The following ANKHD1 variants were observed in gnomAD, a reference collection of about 807,000 sequenced individuals.
ANKHD1 encodes ankyrin repeat and KH domain containing 1.
In ANKHD1, 31 loss-of-function variants were observed where a neutral mutation model predicts 230.5. That is an observed-to-expected ratio of 0.13 (90% CI 0.10 to 0.18). ANKHD1 has a LOEUF of 0.18. Ranked by LOEUF, ANKHD1 falls within the 10% of genes least tolerant of loss-of-function variation. The probability of loss-of-function intolerance (pLI) is 1.00; values close to 1 mark genes in which losing one functional copy is unlikely to be tolerated. For missense variants in ANKHD1, 2,256 were observed against 3,071.3 expected (o/e 0.73, Z 6.27); for synonymous variants, 1,074 against 1,117.6 (o/e 0.96, Z 0.78).
chr5:140,430,877 C>G (rs1018045912), intron 1 of ANKHD1, among the ~76,000 whole-genome samples: 13 of 151,966 alleles, frequency 8.6e-5, no homozygotes, highest in Non-Finnish European at 1.3e-4. Flanking sequence ...GTTGCCCAGG[C>G]TGGTCTTGAA....
intron 24 of ANKHD1, among the ~76,000 whole-genome samples, chr5:140,516,286 T>C (rs1296586469): frequency 6.6e-6 from 1 of 152,096 alleles, no homozygotes; most frequent in Non-Finnish European, 1.5e-5. Flanking sequence ...CCAAGAAATA[T>C]GGGACTATGT....
chr5:140,489,308 G>A (rs1002862100), intron 14 of ANKHD1, among the ~76,000 whole-genome samples: 1 of 151,956 alleles, frequency 6.6e-6, no homozygotes, highest in African/African-American at 2.4e-5. Context: ...CCCAGCATAG[G>A]AGAACTTGTC....
At chr5:140,448,842 A>G (rs936211981) in intron 6 of ANKHD1, among the ~76,000 whole-genome samples, 12 of 152,178 alleles carry the variant, frequency 7.9e-5, no homozygotes, top group African/African-American at 2.9e-4. Flanking sequence ...GTTTATGGTT[A>G]TTTTAAAGCT....
At chr5:140,505,300 T>G in intron 17 of ANKHD1, 67 bp downstream of exon 17, 1 of 1,502,060 alleles carries the variant, frequency 6.7e-7, no homozygotes, top group Non-Finnish European at 9.1e-7. Context: ...TTTTTATTAT[T>G]GATAAATAGT....
At chr5:140,468,627 T>C (rs1776278557) in intron 10 of ANKHD1, among the ~76,000 whole-genome samples, 1 of 152,174 alleles carries the variant, frequency 6.6e-6, no homozygotes, top group South Asian at 2.1e-4. Context: ...TTTAAAAAAT[T>C]TAAACAATAT....
At chr5:140,450,874 TG>T (rs1774679366) in intron 7 of ANKHD1, among the ~76,000 whole-genome samples, 1 of 152,106 alleles carries the variant, frequency 6.6e-6, no homozygotes, top group Non-Finnish European at 1.5e-5. Flanking sequence ...AGAATTTGGC[TG>T]GGCGTGGTGG....
Position 140,497,051 on chromosome 5 carries a change from C to A in ANKHD1, c.2777C>A (p.Pro926Gln), listed in dbSNP as rs1309602649. The A allele has an allele frequency of 1.9e-6, 3 of 1,614,004 alleles. No homozygotes were observed. The highest frequency in any genetic ancestry group is 2.7e-5 in the African/African-American group (2 of 74,924). Residue 926 changes from proline to glutamine, a missense_variant, in exon 15 of 34, where the codon CCA (proline) becomes CAA (glutamine). Pro to Gln is a moderately conservative substitution (Grantham distance 76, BLOSUM62 -1). This residue lies in a region of ANKHD1 where 358 missense variants were observed against 397.7 expected (regional missense o/e 0.90). Coordinates refer to ENST00000360839, the MANE Select transcript of ANKHD1 (RefSeq NM_017747.3). ...TCGGCAGAACAGATTGATTTTGTCC[C>A]AGTCCAGCCTTTATCATCTCCACAG... is the stretch of plus-strand genomic sequence containing the variant. ...PPSAEQIDFV[P>Q]VQPLSSPQCN...
At chr5:140,465,883 A>G (rs1451311147) in intron 10 of ANKHD1, among the ~76,000 whole-genome samples, 2 of 152,162 alleles carry the variant, frequency 1.3e-5, no homozygotes, top group Non-Finnish European at 2.9e-5. Context: ...ACTTCTTTCT[A>G]TATCTTTTTC....
chr5:140,404,279 C>T (rs981263351), intron 1 of ANKHD1, among the ~76,000 whole-genome samples: 25 of 152,070 alleles, frequency 1.6e-4, no homozygotes, highest in Non-Finnish European at 3.2e-4. Flanking sequence ...AGCTTATTTT[C>T]TATGAAACTT....
At chr5:140,461,537 T>G (rs1775704083) in intron 9 of ANKHD1, among the ~76,000 whole-genome samples, 1 of 152,166 alleles carries the variant, frequency 6.6e-6, no homozygotes, top group African/African-American at 2.4e-5. Context: ...TTTTCAAACA[T>G]ACAGAGAATG....
chr5:140,406,540 TG>T (rs1020432455), intron 1 of ANKHD1, among the ~76,000 whole-genome samples: 1 of 151,864 alleles, frequency 6.6e-6, no homozygotes, highest in African/African-American at 2.4e-5. Flanking sequence ...GTTAGAGGAA[TG>T]GACTCACATC....
rs1048183735 is a variant in ANKHD1, at chr5:140,402,213, C to G, written c.246C>G (p.Ala82=). Residue 82 remains alanine (A), a synonymous_variant, in exon 1 of 34, where the codon GCC becomes GCG. Transcript: ENST00000360839. ...DAALDFKLAA[A]VLRTGGGGGA... ...CGCTGGATTTCAAGTTGGCGGCTGCCGTGCTGAGGACCGGGGGTGGAGGTG... is the reference window on the plus strand; with the variant it reads ...CGCTGGATTTCAAGTTGGCGGCTGCGGTGCTGAGGACCGGGGGTGGAGGTG... 2.6e-6 allele frequency: 4 copies of G among 1,523,918 alleles called. No homozygotes were observed. Among genetic ancestry groups the G allele is most frequent in the East Asian group, 5.1e-5 (2 of 39,500 alleles). 94.4% of individuals were successfully genotyped at this position (1,523,918 alleles called of 1,614,324 possible). A position where few individuals can be genotyped will look rare whatever the true frequency, so the allele number is the denominator to read the frequency against.
rs1036844757 is a variant in ANKHD1 at position 140,440,245 on chromosome 5, A to G, written c.744A>G (p.Ala248=). ...GESLLCLACS[A]GYYELAQVLL... is the part of the protein sequence containing the mutation. ...GCCTGCTGTGTTTGGCTTGTTCAGC[A>G]GGGTATTATGAATTAGCACAAGTAA... Residue 248 remains alanine, a synonymous_variant, in exon 4 of 34, where the codon GCA becomes GCG. Transcript: ENST00000360839. The G allele has an allele frequency of 6.2e-7, 1 of 1,612,292 alleles. No individual in the cohort carries two copies. The highest frequency in any genetic ancestry group is 8.5e-7 in the Non-Finnish European group (1 of 1,179,042).
intron 14 of ANKHD1, among the ~76,000 whole-genome samples, chr5:140,489,482 TATAA>T (rs530084649): frequency 4.0e-5 from 6 of 151,770 alleles, no homozygotes; most frequent in Non-Finnish European, 7.4e-5. Flanking sequence ...AGCCTCAAAA[TATAA>T]ATAAATAAAT....
At chr5:140,513,295 G>C (rs1190383765) in intron 23 of ANKHD1, 68 bp from the exon 24 acceptor site, 2 of 1,452,200 alleles carry the variant, frequency 1.4e-6, no homozygotes, top group African/African-American at 2.9e-5. Flanking sequence ...ACTTTAATGT[G>C]CTCATCAGCT....
At chr5:140,491,090 GTGTATA>G (rs1341385063) in intron 14 of ANKHD1, among the ~76,000 whole-genome samples, 25 of 96,582 alleles carry the variant, frequency 2.6e-4, no homozygotes, top group African/African-American at 7.3e-4. Context: ...ATGTGTGTGT[GTGTATA>G]TATATATATA....
At chr5:140,519,283 A>G (rs183592167) in intron 24 of ANKHD1, among the ~76,000 whole-genome samples, 1 of 152,354 alleles carries the variant, frequency 6.6e-6, no homozygotes, top group African/African-American at 2.4e-5. Flanking sequence ...AAAAGAGGAT[A>G]CAAACAAATG....
chr5:140,500,369 G>A lies in ANKHD1; in HGVS notation c.3004+3091G>A, dbSNP rs570261921. On this transcript the variant is annotated intron_variant, in intron 15 of 33. Coordinates refer to ENST00000360839, the MANE Select transcript of ANKHD1 (RefSeq NM_017747.3). ...TTCTGTTGAAAAACTGAAGCTGGCC[G>A]GGAGCAGTGGCTCATGCCTGTAATC... Among the ~76,000 whole-genome samples, 246 of 151,994 alleles carry A rather than the reference G, an allele frequency of 1.6e-3. 2 individuals are homozygous for A. Among genetic ancestry groups the A allele is most frequent in the Middle Eastern group, 6.8e-3 (2 of 294 alleles).
chr5:140,410,708 G>T (rs1230742565), intron 1 of ANKHD1, among the ~76,000 whole-genome samples: 1 of 152,038 alleles, frequency 6.6e-6, no homozygotes, highest in East Asian at 1.9e-4. Context: ...TAGAGTCATA[G>T]AATCTTGGTG....
Sources: gnomAD v4.1 joint callset for allele counts (sites outside exome capture counted in the v4.1 genomes callset) on GRCh38, gnomAD v4.1.1 for gene constraint, gnomAD v4.1.1 regional missense constraint, MANE v1.5 for transcripts, NCBI Gene and HGNC (gene_info 2026-07-23, HGNC 2026-07-21) for gene names.